ANKRD36C: variants seen among roughly 807,000 people sequenced by gnomAD.
The protein encoded by ANKRD36C is ankyrin repeat domain-containing protein 36C.
Under a neutral mutation model 276.4 loss-of-function variants are expected in ANKRD36C, and 61 were observed. The ratio of observed to expected loss-of-function variants is 0.22; its 90% confidence interval spans 0.18 to 0.27. The LOEUF is 0.27. Among genes scored for constraint, ANKRD36C ranks in the 10% least tolerant of loss-of-function variants. The pLI is 1.00. For missense variants in ANKRD36C, 1,447 were observed against 2,032.3 expected, an observed-to-expected ratio of 0.71 and a Z score of 5.54; for synonymous variants, 483 against 680.1, an observed-to-expected ratio of 0.71 and a Z score of 4.51.
chr2:95,897,213 A>G, intron 44 of ANKRD36C, 57 bp downstream of exon 60: 3 of 1,282,436 alleles, frequency 2.3e-6, no homozygotes, highest in Non-Finnish European at 3.2e-6. Flanking sequence ...TATTCACGGA[A>G]GAGAATTTCT....
At chr2:95,991,428 G>T in intron 1 of ANKRD36C, 84 bp downstream of exon 1, 8 of 674,134 alleles carry the variant, frequency 1.2e-5, no homozygotes, top group Non-Finnish European at 1.5e-5. Flanking sequence ...CGGACCATCC[G>T]CCCCGCAGCC....
At chr2:95,953,093 A>C (rs1678240475) in intron 14 of ANKRD36C, among the ~76,000 whole-genome samples, 1 of 152,252 alleles carries the variant, frequency 6.6e-6, no homozygotes, top group African/African-American at 2.4e-5. Flanking sequence ...TCTGTTTATC[A>C]AACAGGTTAT....
At position 95,884,158 on chromosome 2, in the gene ANKRD36C, G is replaced by C. The variant is rs1298461049; in HGVS notation, c.3265+15C>G. 1.0e-5 allele frequency: 16 copies of C among 1,602,822 alleles called. No homozygotes were observed. The highest frequency in any genetic ancestry group is 1.4e-5 in the Non-Finnish European group (16 of 1,174,432). The stretch of plus-strand genomic sequence containing the variant: ...CTGGACTGAACATGACATTAAATGT[G>C]TTTTGCAAAATTACCTGTCCCAGAT... On this transcript the variant is annotated intron_variant, in intron 54 of 66. Coordinates refer to ENST00000456556, the Ensembl canonical transcript of ANKRD36C.
intron 38 of ANKRD36C, among the ~76,000 whole-genome samples, chr2:95,915,736 T>C (rs1367484176): frequency 5.9e-5 from 9 of 151,548 alleles, no homozygotes; most frequent in Non-Finnish European, 1.3e-4. Context: ...GAGCCCCTTA[T>C]GTCTTCAACT....
intron 63 of ANKRD36C, among the ~76,000 whole-genome samples, chr2:95,854,469 A>G (rs999723248): frequency 5.9e-5 from 9 of 152,246 alleles, no homozygotes; most frequent in African/African-American, 2.2e-4. Flanking sequence ...ATGGGGATCC[A>G]GTGTCAAACT....
chr2:95,874,289 C>T (rs1306010646), intron 59 of ANKRD36C, among the ~76,000 whole-genome samples: 2 of 152,130 alleles, frequency 1.3e-5, no homozygotes, highest in Non-Finnish European at 2.9e-5. Context: ...TACTACAAGG[C>T]TACAGTAACC....
intron 1 of ANKRD36C, among the ~76,000 whole-genome samples, chr2:95,990,592 A>G (rs763944155): frequency 2.2e-4 from 33 of 152,260 alleles, no homozygotes; most frequent in Non-Finnish European, 4.6e-4. Context: ...ATTCAAAAAT[A>G]TTAACACTTT....
intron 60 of ANKRD36C, 124 bp downstream of exon 80, chr2:95,867,316 A>G: frequency 1.5e-6 from 1 of 687,826 alleles, no homozygotes; most frequent in South Asian, 1.9e-5. Context: ...ATTTTAACAT[A>G]AGGCATATTT....
chr2:95,888,791 T>A (rs1325197043), intron 48 of ANKRD36C, among the ~76,000 whole-genome samples: 1 of 151,680 alleles, frequency 6.6e-6, no homozygotes, highest in African/African-American at 2.4e-5. Context: ...AAGGATAATA[T>A]ATTAGCCTCA....
chr2:95,911,014 A>G (rs1258094012), intron 42 of ANKRD36C, among the ~76,000 whole-genome samples: 3 of 151,454 alleles, frequency 2.0e-5, no homozygotes, highest in Non-Finnish European at 4.4e-5. Context: ...TTGCCCAATA[A>G]CTGAGAAGGC....
chr2:95,944,639 T>C, exon 19 of ANKRD36C: 1 of 1,537,254 alleles, frequency 6.5e-7, no homozygotes, highest in Non-Finnish European at 8.7e-7. Context: ...TATCAACATT[T>C]TGGTCTTCAA....
intron 14 of ANKRD36C, among the ~76,000 whole-genome samples, 190 bp from the exon 15 acceptor site, chr2:95,951,598 C>T (rs1325786887): frequency 6.6e-6 from 1 of 152,286 alleles, no homozygotes; most frequent in Admixed American, 6.5e-5. Context: ...ATTGGTGATA[C>T]AGATATCTTC....
At chr2:95,866,001 A>G (rs1292338554) in intron 60 of ANKRD36C, among the ~76,000 whole-genome samples, 4 of 152,106 alleles carry the variant, frequency 2.6e-5, no homozygotes, top group African/African-American at 4.8e-5. Context: ...CAACCAGCTT[A>G]TGACTGACAA....
At chr2:95,906,754 T>C in intron 42 of ANKRD36C, 40 bp downstream of exon 49, 2 of 136,130 alleles carry the variant, frequency 1.5e-5, no homozygotes, top group South Asian at 7.0e-5. Flanking sequence ...TCATAGGCTT[T>C]ACATTTACTA....
At chr2:95,917,762 C>T (rs998678582) in intron 36 of ANKRD36C, 93 bp downstream of exon 38, 21 of 1,453,364 alleles carry the variant, frequency 1.4e-5, no homozygotes, top group Admixed American at 9.5e-5. Context: ...CTTTGGCGAG[C>T]ACCCCCAACC....
At chr2:95,971,549 C>T (rs1190787276) in intron 6 of ANKRD36C, among the ~76,000 whole-genome samples, 1 of 151,952 alleles carries the variant, frequency 6.6e-6, no homozygotes, top group Non-Finnish European at 1.5e-5. Flanking sequence ...TAATATATTG[C>T]TATATTACCA....
intron 52 of ANKRD36C, among the ~76,000 whole-genome samples, chr2:95,884,681 A>T (rs546566337): frequency 6.6e-6 from 1 of 152,084 alleles, no homozygotes; most frequent in Non-Finnish European, 1.5e-5. Context: ...AAATCAGAGG[A>T]TCAACTCATA....
chr2:95,876,577 A>C, intron 58 of ANKRD36C, 65 bp from the exon 79 acceptor site: 1 of 875,316 alleles, frequency 1.1e-6, no homozygotes, highest in East Asian at 2.6e-5. Context: ...AGCCATGGTC[A>C]GCGGTGGCTC....
intron 59 of ANKRD36C, among the ~76,000 whole-genome samples, chr2:95,869,374 A>G: frequency 6.6e-6 from 1 of 152,230 alleles, no homozygotes; most frequent in Non-Finnish European, 1.5e-5. Context: ...TTGTGGTACT[A>G]TAAAGGCAGT....
Sources: gnomAD v4.1 joint callset for allele counts (sites outside exome capture counted in the v4.1 genomes callset) on GRCh38, gnomAD v4.1.1 for gene constraint, MANE v1.5 for transcripts, NCBI Gene and HGNC (gene_info 2026-07-23, HGNC 2026-07-21) for gene names.